The following KITLG variants were observed in gnomAD, a reference collection of about 807,000 sequenced individuals.
The protein encoded by KITLG is KIT ligand.
In KITLG, 13 loss-of-function variants were observed where a neutral mutation model predicts 34.1. The ratio of observed to expected loss-of-function variants is 0.38; its 90% CI spans 0.25 to 0.61. The LOEUF is 0.61. Among genes scored for constraint, KITLG ranks in the 20% least tolerant of loss-of-function variants. The pLI is 0.60. For missense variants in KITLG, 292 were observed against 318.9 expected (o/e 0.92, Z 0.64); for synonymous variants, 110 against 104.0 (o/e 1.06, Z -0.35).
chr12:88,574,667 A>G (rs1871771740), intron 1 of KITLG, among the ~76,000 whole-genome samples: 1 of 152,014 alleles, frequency 6.6e-6, no homozygotes, highest in South Asian at 2.1e-4. Context: ...ACATCATCAG[A>G]TCCCTTCTTG....
chr12:88,523,010 A>C (rs777119995), intron 3 of KITLG, among the ~76,000 whole-genome samples: 4 of 152,192 alleles, frequency 2.6e-5, no homozygotes. Flanking sequence ...ATTCATAAGG[A>C]GTATTCACCC....
chr12:88,494,342 C>CT lies in KITLG; in HGVS notation c.*2876dup, dbSNP rs934871434. On this transcript the variant is annotated 3_prime_UTR_variant, in exon 10 of 10. Coordinates refer to ENST00000644744, the MANE Select transcript of KITLG (RefSeq NM_000899.5). ...CCATGATTTCTGAATGAGTTTTTCT[C>CT]TTTATTTATAACTTTAGTTGAATTA... 1.7e-4 allele frequency: 26 copies of CT among 152,074 alleles called. No individual in the cohort carries two copies. Among genetic ancestry groups the CT allele is most frequent in the African/African-American group, 6.0e-4 (25 of 41,514 alleles). 9.4% of individuals were successfully genotyped at this position (152,074 alleles called of 1,614,324 possible).
chr12:88,568,057 G>A (rs1440090935), intron 1 of KITLG, among the ~76,000 whole-genome samples: 2 of 151,826 alleles, frequency 1.3e-5, no homozygotes, highest in South Asian at 2.1e-4. Flanking sequence ...ACAACACTAG[G>A]CCTCTGAATG....
intron 9 of KITLG, among the ~76,000 whole-genome samples, chr12:88,501,090 T>C (rs1201753421): frequency 6.6e-6 from 1 of 152,202 alleles, no homozygotes; most frequent in Non-Finnish European, 1.5e-5. Context: ...TATTTATTCC[T>C]AGGTGCAACT....
At chr12:88,522,068 T>G (rs769041461) in intron 3 of KITLG, among the ~76,000 whole-genome samples, 12 of 152,124 alleles carry the variant, frequency 7.9e-5, no homozygotes, top group Admixed American at 2.0e-4. Flanking sequence ...GCTAAATGAT[T>G]AAATAAAATA....
intron 1 of KITLG, among the ~76,000 whole-genome samples, chr12:88,578,324 C>T (rs1380933700): frequency 6.6e-6 from 1 of 152,140 alleles, no homozygotes; most frequent in African/African-American, 2.4e-5. Flanking sequence ...GGGTACTGCC[C>T]TCCTTTGCCT....
At chr12:88,560,787 G>A (rs1264232533) in intron 1 of KITLG, among the ~76,000 whole-genome samples, 1 of 151,948 alleles carries the variant, frequency 6.6e-6, no homozygotes, top group African/African-American at 2.4e-5. Context: ...GGCCAACACA[G>A]TGAAACCCCG....
intron 1 of KITLG, chr12:88,580,022 C>G: frequency 1.7e-6 from 1 of 595,338 alleles, no homozygotes; most frequent in East Asian, 2.8e-5. Flanking sequence ...CAAAACTTAA[C>G]TGCTGAGGCT....
In KITLG at chr12:88,496,060, T is replaced by A. The variant is rs562743011; in HGVS notation, c.*1159A>T. The stretch of plus-strand genomic sequence containing the variant: ...TGCATAACTACATAAAGCTTTCTTT[T>A]TAATTCATAAACCTTAATGAATATA... On this transcript the variant is annotated 3_prime_UTR_variant, in exon 10 of 10. Coordinates refer to ENST00000644744, the MANE Select transcript of KITLG (RefSeq NM_000899.5). 3.9e-5 allele frequency: 6 copies of A among 152,204 alleles called. No homozygotes were observed. The highest frequency in any genetic ancestry group is 8.8e-5 in the Non-Finnish European group (6 of 68,038). The allele number at this position is 152,204 out of a possible 1,614,324, so 9.4% of individuals were successfully genotyped here.
At chr12:88,502,795 G>A (rs1259181187) in intron 9 of KITLG, among the ~76,000 whole-genome samples, 1 of 152,032 alleles carries the variant, frequency 6.6e-6, no homozygotes, top group South Asian at 2.1e-4. Context: ...CCAAACAACA[G>A]AGGACATTAC....
At position 88,580,374 on chromosome 12, in the gene KITLG, A is replaced by G; in HGVS notation, c.-96T>C. ...AGCATATTGCACGAACAGCGGCGGC[A>G]GATAGTCCACGCATTGGGTAGCCCG... On this transcript the variant is annotated 5_prime_UTR_variant, in exon 1 of 10. Coordinates refer to ENST00000644744, the MANE Select transcript of KITLG (RefSeq NM_000899.5). 7.0e-7 allele frequency: 1 copy of G among 1,434,156 alleles called. No individual in the cohort carries two copies. Among genetic ancestry groups the G allele is most frequent in the East Asian group, 2.4e-5 (1 of 41,706 alleles). 88.8% of individuals were successfully genotyped at this position (1,434,156 alleles called of 1,614,324 possible). A position where few individuals can be genotyped will look rare whatever the true frequency, so the allele number is the denominator to read the frequency against.
chr12:88,543,827 AT>A (rs1404824664), intron 2 of KITLG, among the ~76,000 whole-genome samples: 5 of 152,060 alleles, frequency 3.3e-5, no homozygotes, highest in African/African-American at 1.2e-4. Flanking sequence ...TTGTAGACTT[AT>A]TTTTTTCCTT....
intron 9 of KITLG, among the ~76,000 whole-genome samples, chr12:88,504,415 A>G (rs1199381271): frequency 1.3e-5 from 2 of 152,228 alleles, no homozygotes; most frequent in Admixed American, 1.3e-4. Flanking sequence ...CAAATTTACA[A>G]GAAAAAATCA....
chr12:88,523,210 T>C (rs989878318), intron 3 of KITLG, among the ~76,000 whole-genome samples: 2 of 152,206 alleles, frequency 1.3e-5, no homozygotes, highest in Non-Finnish European at 2.9e-5. Flanking sequence ...TCTAGAGCCA[T>C]GTCATCAGAA....
At chr12:88,561,808 C>T (rs1871307080) in intron 1 of KITLG, among the ~76,000 whole-genome samples, 1 of 152,180 alleles carries the variant, frequency 6.6e-6, no homozygotes, top group South Asian at 2.1e-4. Flanking sequence ...TAATTCCTGC[C>T]TCAAGCCCTT....
chr12:88,566,172 G>A (rs1328382980), intron 1 of KITLG, among the ~76,000 whole-genome samples: 1 of 152,114 alleles, frequency 6.6e-6, no homozygotes, highest in Non-Finnish European at 1.5e-5. Context: ...TTTGAACAAT[G>A]TATGTATGTT....
At chr12:88,528,154 C>T (rs946130373) in intron 3 of KITLG, among the ~76,000 whole-genome samples, 1 of 152,090 alleles carries the variant, frequency 6.6e-6, no homozygotes, top group Admixed American at 6.6e-5. Context: ...TTTTCTTTGC[C>T]TTTTCCAGCT....
intron 9 of KITLG, among the ~76,000 whole-genome samples, chr12:88,499,888 G>A (rs900939898): frequency 4.6e-5 from 7 of 152,028 alleles, no homozygotes; most frequent in Non-Finnish European, 7.4e-5. Flanking sequence ...CTGGTAAGTG[G>A]ACTCAATTTC....
intron 2 of KITLG, among the ~76,000 whole-genome samples, chr12:88,542,758 T>C (rs1396837318): frequency 1.3e-5 from 2 of 152,068 alleles, no homozygotes; most frequent in African/African-American, 4.8e-5. Context: ...ACACCCCATC[T>C]CCACAAGTTG....
Sources: allele counts gnomAD v4.1 joint callset (sites outside exome capture counted in the v4.1 genomes callset), GRCh38; gene constraint gnomAD v4.1.1; transcripts MANE v1.5; gene names NCBI Gene and HGNC (gene_info 2026-07-23, HGNC 2026-07-21).